The following TMOD2 variants were observed in gnomAD, a reference collection of about 807,000 sequenced individuals.
TMOD2 encodes tropomodulin-2.
Under a neutral mutation model 39.9 loss-of-function variants are expected in TMOD2, and 22 were observed. The ratio of observed to expected loss-of-function variants is 0.55; its 90% CI spans 0.39 to 0.79. TMOD2 has a LOEUF of 0.79. Ranked by LOEUF, TMOD2 falls within the 30% of genes least tolerant of loss-of-function variation. The probability of loss-of-function intolerance (pLI) is 0.00; values close to 1 mark genes in which losing one functional copy is unlikely to be tolerated. For synonymous variants in TMOD2, 123 were observed against 146.1 expected (o/e 0.84, Z 1.14); for missense variants, 386 against 413.3 (o/e 0.93, Z 0.57).
intron 1 of TMOD2, among the ~76,000 whole-genome samples, chr15:51,757,221 G>A (rs2055747948): frequency 6.6e-6 from 1 of 152,104 alleles, no homozygotes; most frequent in African/African-American, 2.4e-5. Flanking sequence ...GGCCAACATG[G>A]TGAAACCCCG....
chr15:51,767,319 C>G (rs1218317544), intron 2 of TMOD2, among the ~76,000 whole-genome samples: 2 of 152,218 alleles, frequency 1.3e-5, no homozygotes, highest in Non-Finnish European at 2.9e-5. Flanking sequence ...AGCCACCACA[C>G]CCGGCCCCAA....
chr15:51,761,498 A>C (rs1401489469), intron 1 of TMOD2, among the ~76,000 whole-genome samples: 1 of 151,924 alleles, frequency 6.6e-6, no homozygotes, highest in African/African-American at 2.4e-5. Context: ...AGGCTGAGGC[A>C]GGAGGATTGC....
At chr15:51,754,122 A>G (rs1451959268) in intron 1 of TMOD2, among the ~76,000 whole-genome samples, 1 of 151,982 alleles carries the variant, frequency 6.6e-6, no homozygotes, top group African/African-American at 2.4e-5. Context: ...ATGCTTAAGT[A>G]CCCCATCCTC....
intron 8 of TMOD2, among the ~76,000 whole-genome samples, chr15:51,805,903 A>G (rs1334153191): frequency 2.0e-5 from 3 of 152,240 alleles, no homozygotes; most frequent in Non-Finnish European, 4.4e-5. Context: ...TAAAATGGCA[A>G]AATTTTATGT....
chr15:51,791,905 A>G (rs905962346), intron 7 of TMOD2, among the ~76,000 whole-genome samples: 1 of 152,230 alleles, frequency 6.6e-6, no homozygotes, highest in South Asian at 2.1e-4. Flanking sequence ...CAAAAATCCT[A>G]GAAGAAAACC....
chr15:51,789,048 A>G (rs888382797), intron 7 of TMOD2, among the ~76,000 whole-genome samples: 6 of 152,246 alleles, frequency 3.9e-5, no homozygotes, highest in Non-Finnish European at 8.8e-5. Context: ...TGCCCCAGTT[A>G]AAAGACACAG....
intron 5 of TMOD2, among the ~76,000 whole-genome samples, chr15:51,778,707 T>G (rs1424948007): frequency 7.8e-6 from 1 of 127,664 alleles, no homozygotes; most frequent in African/African-American, 3.0e-5. Flanking sequence ...CAGGCTGGAG[T>G]GCAGTGGCAC....
At chr15:51,777,115 T>A (rs1340663340) in intron 5 of TMOD2, 97 bp downstream of exon 5, 1 of 1,001,760 alleles carries the variant, frequency 1.0e-6, no homozygotes, top group Non-Finnish European at 1.5e-6. Context: ...CTTTACACTC[T>A]GTCATTTTGC....
At chr15:51,806,603 G>A (rs781587239) in intron 9 of TMOD2, 82 bp downstream of exon 9, 53 of 1,519,708 alleles carry the variant, frequency 3.5e-5, no homozygotes, top group Middle Eastern at 1.7e-4. Flanking sequence ...GCATCTCACA[G>A]ATACCATTCC....
At chr15:51,780,873 A>T (rs914058099) in intron 5 of TMOD2, among the ~76,000 whole-genome samples, 171 bp from the exon 6 acceptor site, 3 of 152,174 alleles carry the variant, frequency 2.0e-5, no homozygotes, top group African/African-American at 7.2e-5. Flanking sequence ...CCAAGCTGTG[A>T]CTCATAGCTA....
intron 7 of TMOD2, among the ~76,000 whole-genome samples, chr15:51,785,460 T>C (rs2055963044): frequency 6.8e-6 from 1 of 147,076 alleles, no homozygotes; most frequent in African/African-American, 2.5e-5. Flanking sequence ...AAATGTGGTA[T>C]ATATATGCAC....
intron 1 of TMOD2, among the ~76,000 whole-genome samples, chr15:51,759,517 GGAA>G (rs1407108562): frequency 6.6e-6 from 1 of 152,134 alleles, no homozygotes; most frequent in African/African-American, 2.4e-5. Context: ...TTAAGGTGGA[GGAA>G]GAAGAATTGC....
At position 51,784,325 on chromosome 15, in the gene TMOD2, C is replaced by T. The variant is rs1259597672; in HGVS notation, c.732+1497C>T. 2.0e-5 allele frequency: 3 copies of T among 152,312 alleles called. No homozygotes were observed. In the East Asian group the frequency reaches 5.8e-4, roughly 29 times the overall value. The allele number at this position is 152,312 out of a possible 1,614,324, so 9.4% of individuals were successfully genotyped here. On this transcript the variant is annotated intron_variant, in intron 7 of 9. Coordinates refer to ENST00000249700, the MANE Select transcript of TMOD2 (RefSeq NM_014548.4). ...CAGCCCTTGAATCGAGTTAGAAAAA[C>T]GCAAGTTGTCTGGACTTGATGGTTT... is the stretch of plus-strand genomic sequence containing the variant.
intron 7 of TMOD2, among the ~76,000 whole-genome samples, chr15:51,797,903 G>GT (rs534674230): frequency 9.5e-5 from 14 of 147,774 alleles, no homozygotes; most frequent in South Asian, 2.1e-4. Context: ...AACAGTAGTG[G>GT]TTTTTTTTTA....
chr15:51,797,195 C>G (rs932675157), intron 7 of TMOD2, among the ~76,000 whole-genome samples: 21 of 152,188 alleles, frequency 1.4e-4, no homozygotes, highest in African/African-American at 5.1e-4. Flanking sequence ...TCCCATTTTC[C>G]CCCCACACTG....
At chr15:51,769,552 A>G (rs1027600118) in intron 3 of TMOD2, among the ~76,000 whole-genome samples, 13 of 152,198 alleles carry the variant, frequency 8.5e-5, no homozygotes, top group Non-Finnish European at 1.9e-4. Context: ...TTTCCATGCC[A>G]GGATTGAGCT....
At chr15:51,766,590 A>T (rs1012356978) in intron 2 of TMOD2, 23 bp downstream of exon 2, 2 of 1,612,120 alleles carry the variant, frequency 1.2e-6, no homozygotes, top group Admixed American at 1.7e-5. Context: ...GAACTGAAGC[A>T]GAGTGGTTAA....
chr15:51,776,292 T>TC (rs2055888782), intron 4 of TMOD2, among the ~76,000 whole-genome samples: 1 of 152,236 alleles, frequency 6.6e-6, no homozygotes, highest in East Asian at 1.9e-4. Flanking sequence ...CAAAGGGAAA[T>TC]CTGCGTAGCA....
intron 1 of TMOD2, among the ~76,000 whole-genome samples, chr15:51,754,125 C>G (rs938431801): frequency 2.0e-5 from 3 of 152,066 alleles, no homozygotes; most frequent in Non-Finnish European, 4.4e-5. Flanking sequence ...CTTAAGTACC[C>G]CATCCTCTAG....
Sources: allele counts gnomAD v4.1 joint callset (sites outside exome capture counted in the v4.1 genomes callset), GRCh38; gene constraint gnomAD v4.1.1; transcripts MANE v1.5; gene names NCBI Gene and HGNC (gene_info 2026-07-23, HGNC 2026-07-21).